Variants in UMAD1 observed in about 807,000 individuals in gnomAD.
UMAD1 encodes the protein UBAP1-MVB12-associated (UMA)-domain containing protein 1.
A neutral mutation model predicts 6.1 loss-of-function variants in UMAD1; 8 were observed. That is an observed-to-expected ratio of 1.30 (90% CI 0.76 to 2.35). UMAD1 has a LOEUF of 2.35. Ranked by LOEUF, UMAD1 falls within the 30% of genes most tolerant of loss-of-function variation. The probability of loss-of-function intolerance (pLI) is 0.00; values close to 1 mark genes in which losing one functional copy is unlikely to be tolerated. For synonymous variants in UMAD1, 56 were observed against 31.4 expected (o/e 1.78, Z -2.61); for missense variants, 130 against 78.4 (o/e 1.66, Z -2.49).
intron 2 of UMAD1, among the ~76,000 whole-genome samples, chr7:7,683,190 T>C (rs559057280): frequency 6.6e-6 from 1 of 152,192 alleles, no homozygotes; most frequent in African/African-American, 2.4e-5. Flanking sequence ...GTGGATTTAG[T>C]TGACTCAAAC....
At chr7:7,704,548 G>T (rs1351731981) in intron 2 of UMAD1, among the ~76,000 whole-genome samples, 3 of 146,144 alleles carry the variant, frequency 2.1e-5, no homozygotes, top group African/African-American at 7.6e-5. Flanking sequence ...AAAGTCAGGA[G>T]TTCAAGACTA....
At chr7:7,786,525 T>C (rs1334240100) in intron 2 of UMAD1, among the ~76,000 whole-genome samples, 1 of 152,176 alleles carries the variant, frequency 6.6e-6, no homozygotes, top group East Asian at 1.9e-4. Context: ...AGTGTACAGA[T>C]CAGCTGATGG....
intron 2 of UMAD1, among the ~76,000 whole-genome samples, chr7:7,801,340 A>G (rs1390927639): frequency 1.3e-5 from 2 of 152,250 alleles, no homozygotes. Context: ...TTATTTCAAC[A>G]TAATTTGCCT....
chr7:7,729,899 G>T (rs1174026968), intron 2 of UMAD1, among the ~76,000 whole-genome samples: 2 of 152,082 alleles, frequency 1.3e-5, no homozygotes, highest in Non-Finnish European at 2.9e-5. Flanking sequence ...ATTCCCACTC[G>T]TTCACTGAAT....
intron 3 of UMAD1, among the ~76,000 whole-genome samples, chr7:7,869,802 C>G (rs1784302802): frequency 6.6e-6 from 1 of 152,318 alleles, no homozygotes; most frequent in Middle Eastern, 3.4e-3. Flanking sequence ...ATGTAGTTGT[C>G]TGTTCTTAAA....
intron 2 of UMAD1, among the ~76,000 whole-genome samples, chr7:7,698,043 G>C (rs1357295686): frequency 1.3e-5 from 2 of 152,186 alleles, no homozygotes; most frequent in Non-Finnish European, 2.9e-5. Flanking sequence ...ATTAGAAATA[G>C]AGAATTTCTG....
intron 3 of UMAD1, among the ~76,000 whole-genome samples, chr7:7,857,881 A>G (rs1439827737): frequency 2.0e-5 from 3 of 152,256 alleles, no homozygotes; most frequent in Non-Finnish European, 2.9e-5. Context: ...AAAAGAATCT[A>G]TAACCCTTTC....
chr7:7,736,628 T>A (rs1410123859), intron 2 of UMAD1: 1 of 152,248 alleles, frequency 6.6e-6, no homozygotes, highest in Non-Finnish European at 1.5e-5. Context: ...TTTCTTCATC[T>A]TATTTACTAA....
At chr7:7,708,129 G>C (rs1452034128) in intron 2 of UMAD1, among the ~76,000 whole-genome samples, 1 of 152,058 alleles carries the variant, frequency 6.6e-6, no homozygotes, top group Non-Finnish European at 1.5e-5. Context: ...TTTGGATCAT[G>C]GTTCTGCTGC....
chr7:7,824,949 T>TG (rs1471359536), intron 3 of UMAD1, among the ~76,000 whole-genome samples: 1 of 152,118 alleles, frequency 6.6e-6, no homozygotes, highest in Non-Finnish European at 1.5e-5. Flanking sequence ...CTGGGTTTTG[T>TG]TTTTTTGTTT....
intron 3 of UMAD1, among the ~76,000 whole-genome samples, chr7:7,813,743 G>A (rs1054811746): frequency 1.3e-5 from 2 of 152,158 alleles, no homozygotes; most frequent in Admixed American, 1.3e-4. Context: ...GAGATATTCT[G>A]GCATTTATGA....
At chr7:7,774,049 G>T (rs1390781957) in intron 2 of UMAD1, among the ~76,000 whole-genome samples, 1 of 152,114 alleles carries the variant, frequency 6.6e-6, no homozygotes, top group Non-Finnish European at 1.5e-5. Context: ...ATTCTAAATG[G>T]CAAACCATGG....
chr7:7,663,595 G>A (rs566738496), intron 1 of UMAD1, among the ~76,000 whole-genome samples: 1 of 151,818 alleles, frequency 6.6e-6, no homozygotes, highest in African/African-American at 2.4e-5. Flanking sequence ...ATTAAATCAG[G>A]TCTCTACTAT....
intron 3 of UMAD1, among the ~76,000 whole-genome samples, chr7:7,860,584 C>T (rs1220097971): frequency 7.6e-6 from 1 of 131,616 alleles, no homozygotes; most frequent in Non-Finnish European, 1.6e-5. Context: ...CACTGTGAAA[C>T]CCTGTGTCTA....
chr7:7,650,703 T>C (rs1351840864), intron 1 of UMAD1, among the ~76,000 whole-genome samples: 3 of 152,266 alleles, frequency 2.0e-5, no homozygotes, highest in African/African-American at 7.2e-5. Context: ...AAACGCACCT[T>C]GATTTACTAA....
intron 1 of UMAD1, among the ~76,000 whole-genome samples, chr7:7,655,937 G>A (rs1785330587): frequency 6.6e-6 from 1 of 152,144 alleles, no homozygotes; most frequent in African/African-American, 2.4e-5. Flanking sequence ...CTGGGTTCCA[G>A]CGATTCTCCT....
At position 7,737,286 on chromosome 7, in the gene UMAD1, G is replaced by A. The variant is rs896661497; in HGVS notation, c.82+63833G>A. Reference sequence around the variant, plus strand: ...TCAGTTTTCTCAGCCGTGAAACAAGGATGATGACATGGACTCAGTAGGGCT... The same window carrying A: ...TCAGTTTTCTCAGCCGTGAAACAAGAATGATGACATGGACTCAGTAGGGCT... On this transcript the variant is annotated intron_variant, in intron 2 of 3. Transcript: ENST00000682710. Among the ~76,000 whole-genome samples the A allele has an allele frequency of 2.0e-5, 3 of 152,298 alleles. No individual in the cohort carries two copies. The South Asian group carries it at 6.2e-4, about 32-fold the overall frequency.
chr7:7,826,683 G>GT lies in UMAD1; in HGVS notation c.156+24941dup, dbSNP rs142078994. 6.5e-3 allele frequency among the ~76,000 whole-genome samples: 993 copies of GT among 152,172 alleles called. 13 individuals are homozygous for GT. Among genetic ancestry groups the GT allele is most frequent in the African/African-American group, 0.023 (944 of 41,522 alleles). On this transcript the variant is annotated intron_variant, in intron 3 of 3. Transcript: ENST00000682710. ...TCAACCATAGCAGGAGGGGACTAGGGTAAAACCCACCCCCCTTTAAGTAAT... is the reference window on the plus strand; with the variant it reads ...TCAACCATAGCAGGAGGGGACTAGGGTTAAAACCCACCCCCCTTTAAGTAAT...
rs539777008 is a variant in UMAD1, at chr7:7,862,817, A to G, written c.157-14464A>G. Reference sequence around the variant, plus strand: ...AAATTGCTAAACTTGAGACCTAAAAACAAAACAAAAAACAAAAAAACTACA... The same window carrying G: ...AAATTGCTAAACTTGAGACCTAAAAGCAAAACAAAAAACAAAAAAACTACA... On this transcript the variant is annotated intron_variant, in intron 3 of 3. Coordinates refer to ENST00000682710, the MANE Select transcript of UMAD1 (RefSeq NM_001302348.2). Among the ~76,000 whole-genome samples the G allele has an allele frequency of 7.9e-5, 12 of 152,310 alleles. No individual in the cohort carries two copies. In the South Asian group the frequency reaches 2.5e-3, roughly 32 times the overall value.
Sources: allele counts gnomAD v4.1 joint callset (sites outside exome capture counted in the v4.1 genomes callset), GRCh38; gene constraint gnomAD v4.1.1; transcripts MANE v1.5; gene names NCBI Gene and HGNC (gene_info 2026-07-23, HGNC 2026-07-21).